PCDHA10: variants seen among roughly 807,000 people sequenced by gnomAD.
PCDHA10 encodes the protein protocadherin alpha-10.
PCDHA10 carries 45 observed loss-of-function variants against 61.2 expected under a neutral mutation model. That is an observed-to-expected ratio of 0.74 (90% CI 0.58 to 0.94). PCDHA10 has a LOEUF of 0.94. PCDHA10 is among the 40% of genes least tolerant of loss of function. The pLI is 0.00. For synonymous variants in PCDHA10, 602 were observed against 548.8 expected, an observed-to-expected ratio of 1.10 and a Z score of -1.35; for missense variants, 1,278 against 1,236.2, an observed-to-expected ratio of 1.03 and a Z score of -0.51.
intron 1 of PCDHA10, chr5:140,862,620 G>A (rs2047455093): frequency 1.9e-6 from 1 of 528,384 alleles, no homozygotes. Context: ...GTAACAACCC[G>A]CGGGGCTGCC....
At chr5:140,928,885 C>T in intron 1 of PCDHA10, 1 of 1,614,194 alleles carries the variant, frequency 6.2e-7, no homozygotes, top group Non-Finnish European at 8.5e-7. Context: ...TCAGTTACTT[C>T]CAGACTTTGA....
chr5:140,898,147 C>T (rs2066556304), intron 1 of PCDHA10, among the ~76,000 whole-genome samples: 1 of 152,150 alleles, frequency 6.6e-6, no homozygotes, highest in African/African-American at 2.4e-5. Flanking sequence ...GTTGCCTGTT[C>T]ACGCTGATGG....
chr5:140,958,162 C>A lies in PCDHA10; in HGVS notation c.2389-20787C>A, dbSNP rs574337485. Among the ~76,000 whole-genome samples the A allele has an allele frequency of 1.1e-4, 16 of 152,028 alleles. No homozygotes were observed. The South Asian group carries it at 3.3e-3, about 32-fold the overall frequency. Reference sequence around the variant, plus strand: ...ATATTTATATAGCATAGTCAAAAGCCTGGAGTGATATAAATTTTCTGTTAC... The same window carrying A: ...ATATTTATATAGCATAGTCAAAAGCATGGAGTGATATAAATTTTCTGTTAC... On this transcript the variant is annotated intron_variant, in intron 1 of 3. Coordinates refer to ENST00000307360, the MANE Select transcript of PCDHA10 (RefSeq NM_018901.4).
intron 1 of PCDHA10, among the ~76,000 whole-genome samples, chr5:140,958,063 A>G (rs2095406851): frequency 6.6e-6 from 1 of 152,118 alleles, no homozygotes; most frequent in Non-Finnish European, 1.5e-5. Flanking sequence ...GAGAGAAAAA[A>G]CACAGAAGCA....
At chr5:140,987,227 A>T (rs1410526870) in intron 3 of PCDHA10, among the ~76,000 whole-genome samples, 2 of 151,696 alleles carry the variant, frequency 1.3e-5, no homozygotes, top group African/African-American at 4.8e-5. Context: ...AAAAAAAAAA[A>T]TAATAAATAA....
At position 140,875,988 on chromosome 5, in the gene PCDHA10, A is replaced by G. The variant is rs144050089; in HGVS notation, c.2388+17552A>G. On this transcript the variant is annotated intron_variant, in intron 1 of 3. Transcript: ENST00000307360. ...TAAACTCTCTTTTGACCTATGCGTT[A>G]AGTCTAAATGAGAATTTTGAGCTTA... 4,280 of 1,614,014 alleles carry G rather than the reference A, an allele frequency of 2.7e-3. 13 individuals are homozygous for G. The highest frequency in any genetic ancestry group is 3.4e-3 in the Non-Finnish European group (4,021 of 1,179,898).
chr5:140,877,076 T>G, intron 1 of PCDHA10: 1 of 1,613,022 alleles, frequency 6.2e-7, no homozygotes, highest in Non-Finnish European at 8.5e-7. Context: ...CAGTTCCAGG[T>G]GAGCGCGCGC....
At chr5:140,996,597 C>G (rs183031992) in intron 3 of PCDHA10, among the ~76,000 whole-genome samples, 47 of 152,304 alleles carry the variant, frequency 3.1e-4, no homozygotes, top group African/African-American at 1.1e-3. Context: ...CGCCTCCCCC[C>G]ATTTTCATTT....
At chr5:140,928,790 GGGT>G in intron 1 of PCDHA10, 1 of 1,614,176 alleles carries the variant, frequency 6.2e-7, no homozygotes. Flanking sequence ...GTTAAGCAGA[GGGT>G]GGTGGTAGTG....
intron 1 of PCDHA10, among the ~76,000 whole-genome samples, chr5:140,920,648 A>G (rs1465559942): frequency 1.3e-5 from 2 of 152,148 alleles, no homozygotes; most frequent in Non-Finnish European, 2.9e-5. Flanking sequence ...GATTGAGACC[A>G]TCCTTGCCAA....
chr5:140,858,218 G>A lies in PCDHA10; in HGVS notation c.2170G>A (p.Ala724Thr). ...LLYTALRCSA[A>T]PTEGACGPVK... ...GTACACTGCACTGAGGTGCTCGGCGGCGCCCACCGAGGGCGCATGTGGGCC... is the reference window on the plus strand; with the variant it reads ...GTACACTGCACTGAGGTGCTCGGCGACGCCCACCGAGGGCGCATGTGGGCC... Residue 724 changes from alanine to threonine, a missense_variant, in exon 1 of 4, where the codon GCG (alanine) becomes ACG (threonine). Ala to Thr is a moderately conservative substitution (Grantham distance 58). Transcript: ENST00000307360. The A allele has an allele frequency of 6.3e-7, 1 of 1,596,494 alleles. No homozygotes were observed.
chr5:140,956,960 TAATC>T (rs2307694), intron 1 of PCDHA10, among the ~76,000 whole-genome samples: 47,965 of 151,898 alleles, frequency 0.32, 7,886 homozygotes, highest in East Asian at 0.53. Flanking sequence ...ACACTGTAAT[TAATC>T]AGTCAATTTA....
Position 140,877,726 on chromosome 5 carries a change from C to G in PCDHA10, c.2388+19290C>G, listed in dbSNP as rs781814794. On this transcript the variant is annotated intron_variant, in intron 1 of 3. Coordinates refer to ENST00000307360, the MANE Select transcript of PCDHA10 (RefSeq NM_018901.4). ...CGCCGTGGGGAGTTGGTCTTACTCGCAGCAGAGGAGGCAGAGGGTGTGCTC... is the reference window on the plus strand; with the variant it reads ...CGCCGTGGGGAGTTGGTCTTACTCGGAGCAGAGGAGGCAGAGGGTGTGCTC... 30 of 1,614,056 alleles carry G rather than the reference C, an allele frequency of 1.9e-5. No homozygotes were observed. In the African/African-American group the frequency reaches 3.7e-4, roughly 20 times the overall value.
chr5:140,973,653 A>G (rs2096597249), intron 1 of PCDHA10, among the ~76,000 whole-genome samples: 1 of 152,202 alleles, frequency 6.6e-6, no homozygotes, highest in African/African-American at 2.4e-5. Context: ...TGAAGAAGAA[A>G]TCTATTTATT....
intron 3 of PCDHA10, among the ~76,000 whole-genome samples, chr5:140,985,312 G>C (rs961087434): frequency 2.0e-5 from 3 of 152,102 alleles, no homozygotes; most frequent in Non-Finnish European, 2.9e-5. Flanking sequence ...TAGCCTGGTG[G>C]CCAGAATTCA....
chr5:140,893,866 C>T (rs915926825), intron 1 of PCDHA10, among the ~76,000 whole-genome samples: 5 of 152,102 alleles, frequency 3.3e-5, no homozygotes, highest in African/African-American at 1.2e-4. Context: ...TAGAAACAAC[C>T]CAGATCCAAA....
chr5:140,882,996 A>G lies in PCDHA10; in HGVS notation c.2388+24560A>G, dbSNP rs782381110. On this transcript the variant is annotated intron_variant, in intron 1 of 3. Transcript: ENST00000307360. The stretch of plus-strand genomic sequence containing the variant: ...GTGAATGACAACGCCCCGGAATTTT[A>G]CCAATCCGTTTATAAAGTGACGGTG... 2.9e-5 allele frequency: 46 copies of G among 1,614,024 alleles called. No individual in the cohort carries two copies. The Middle Eastern group carries it at 4.9e-4, about 17-fold the overall frequency.
chr5:140,925,951 A>G (rs1057448284), intron 1 of PCDHA10, among the ~76,000 whole-genome samples: 2 of 152,102 alleles, frequency 1.3e-5, no homozygotes, highest in Admixed American at 1.3e-4. Flanking sequence ...GAGAAGGAGA[A>G]ACTGCTATCA....
chr5:140,862,825 C>T (rs782012901), intron 1 of PCDHA10: 2 of 572,056 alleles, frequency 3.5e-6, no homozygotes, highest in Non-Finnish European at 6.7e-6. Context: ...GGTGAGAGCG[C>T]GCGACGCGGG....
Sources: allele counts gnomAD v4.1 joint callset (sites outside exome capture counted in the v4.1 genomes callset), GRCh38; gene constraint gnomAD v4.1.1; transcripts MANE v1.5; gene names NCBI Gene and HGNC (gene_info 2026-07-23, HGNC 2026-07-21).